Variants in ILDR1 observed in about 807,000 individuals in gnomAD.
ILDR1 encodes the protein immunoglobulin-like domain-containing receptor 1.
In ILDR1, 56 loss-of-function variants were observed where a neutral mutation model predicts 62.4. That is an observed-to-expected ratio of 0.90 (90% CI 0.72 to 1.12). ILDR1 has a LOEUF of 1.12. Among genes scored for constraint, ILDR1 ranks in the 50% most tolerant of loss-of-function variants. ILDR1 has a pLI of 0.00. For synonymous variants in ILDR1, 284 were observed against 277.8 expected, an observed-to-expected ratio of 1.02 and a Z score of -0.22; for missense variants, 736 against 710.6, an observed-to-expected ratio of 1.04 and a Z score of -0.41.
At chr3:122,010,980 A>T (rs1485228595) in intron 1 of ILDR1, among the ~76,000 whole-genome samples, 1 of 152,182 alleles carries the variant, frequency 6.6e-6, no homozygotes, top group East Asian at 1.9e-4. Context: ...AGGGGGTCAG[A>T]GTCGAGATTC....
upstream of ILDR1, among the ~76,000 whole-genome samples, chr3:122,025,648 A>G (rs142280996): frequency 1.6e-3 from 238 of 152,332 alleles, no homozygotes; most frequent in African/African-American, 5.5e-3. Context: ...TGTTTTCTGA[A>G]TACTATATAT....
At chr3:122,057,014 G>T in the ILDR1 span, among the ~76,000 whole-genome samples, 1 of 151,906 alleles carries the variant, frequency 6.6e-6, no homozygotes, top group South Asian at 2.1e-4. Flanking sequence ...CATAAGAGAT[G>T]AAATAAATAC....
intron 4 of ILDR1, 89 bp downstream of exon 4, chr3:122,001,656 G>C (rs1317443439): frequency 6.4e-7 from 1 of 1,551,632 alleles, no homozygotes; most frequent in Non-Finnish European, 8.8e-7. Flanking sequence ...ACTTAGGCTT[G>C]CTTATTTCTG....
chr3:121,990,279 C>T (rs2071323049), intron 7 of ILDR1, among the ~76,000 whole-genome samples: 1 of 152,236 alleles, frequency 6.6e-6, no homozygotes, highest in African/African-American at 2.4e-5. Context: ...ACAAACTAAA[C>T]ACAGTGCCTT....
intron 5 of ILDR1, among the ~76,000 whole-genome samples, chr3:121,999,368 A>T (rs1415731978): frequency 1.3e-5 from 2 of 152,236 alleles, no homozygotes; most frequent in African/African-American, 4.8e-5. Context: ...AAAAAAAATT[A>T]AAAACCTTCT....
intron 3 of ILDR1, among the ~76,000 whole-genome samples, chr3:122,004,033 A>T (rs985141077): frequency 2.0e-5 from 3 of 152,184 alleles, no homozygotes; most frequent in African/African-American, 7.2e-5. Context: ...ATGTAAAAAA[A>T]AAAAAAATCA....
intron 5 of ILDR1, among the ~76,000 whole-genome samples, chr3:121,996,239 T>C (rs2071433737): frequency 6.6e-6 from 1 of 152,206 alleles, no homozygotes; most frequent in African/African-American, 2.4e-5. Context: ...TCCTCTTTGC[T>C]CCTCAAATGA....
chr3:122,056,375 G>A, the ILDR1 span, among the ~76,000 whole-genome samples: 3 of 151,920 alleles, frequency 2.0e-5, no homozygotes, highest in South Asian at 2.1e-4. Flanking sequence ...TCGCTCTGTC[G>A]CCAAGCTGGA....
intron 5 of ILDR1, among the ~76,000 whole-genome samples, chr3:121,996,461 CT>C (rs1281882798): frequency 1.3e-5 from 2 of 152,180 alleles, no homozygotes; most frequent in Non-Finnish European, 1.5e-5. Context: ...AGCCTTTGAG[CT>C]TTTCTCTTGC....
the ILDR1 span, among the ~76,000 whole-genome samples, chr3:122,028,196 C>T: frequency 9.7e-3 from 1,464 of 151,446 alleles, 29 homozygotes; most frequent in African/African-American, 0.034. Flanking sequence ...ATTAGCTGGG[C>T]GTGGTGGCGG....
the ILDR1 span, among the ~76,000 whole-genome samples, chr3:122,054,501 A>T: frequency 2.0e-5 from 3 of 151,930 alleles, no homozygotes; most frequent in African/African-American, 7.3e-5. Context: ...AATTCTGCAG[A>T]TATTGTTCTG....
chr3:122,046,247 C>G, the ILDR1 span, among the ~76,000 whole-genome samples: 1 of 149,580 alleles, frequency 6.7e-6, no homozygotes, highest in African/African-American at 2.4e-5. Flanking sequence ...AATATCGGCC[C>G]CCACTCTCTT....
chr3:122,058,864 C>A, the ILDR1 span, among the ~76,000 whole-genome samples: 1 of 151,938 alleles, frequency 6.6e-6, no homozygotes. Context: ...GGCATGAAAC[C>A]AGGGCAGTTA....
the ILDR1 span, among the ~76,000 whole-genome samples, chr3:122,051,617 C>G: frequency 6.6e-6 from 1 of 152,086 alleles, no homozygotes; most frequent in East Asian, 1.9e-4. Flanking sequence ...TCTTTAGGAT[C>G]TGTTTCTGGA....
chr3:122,048,028 C>T, the ILDR1 span, among the ~76,000 whole-genome samples: 2 of 152,186 alleles, frequency 1.3e-5, no homozygotes, highest in Non-Finnish European at 2.9e-5. Context: ...TTACCTTGTT[C>T]CTCATCAAGG....
the ILDR1 span, among the ~76,000 whole-genome samples, chr3:122,042,693 C>T: frequency 6.6e-6 from 1 of 152,138 alleles, no homozygotes; most frequent in Non-Finnish European, 1.5e-5. Context: ...TTTCATGTTT[C>T]TTGGCTGCAT....
chr3:122,049,621 T>C, the ILDR1 span, among the ~76,000 whole-genome samples: 1 of 152,240 alleles, frequency 6.6e-6, no homozygotes, highest in South Asian at 2.1e-4. Flanking sequence ...TTTATCATTA[T>C]ATGATGTCTT....
intron 1 of ILDR1, among the ~76,000 whole-genome samples, chr3:122,018,849 C>T (rs1468649025): frequency 1.3e-5 from 2 of 152,196 alleles, no homozygotes; most frequent in African/African-American, 4.8e-5. Context: ...TACCCCCTCA[C>T]CCTGAGATAT....
the ILDR1 span, among the ~76,000 whole-genome samples, chr3:122,049,623 T>C: frequency 6.6e-6 from 1 of 152,244 alleles, no homozygotes; most frequent in African/African-American, 2.4e-5. Context: ...TATCATTATA[T>C]GATGTCTTTC....
Sources: gnomAD v4.1 joint callset for allele counts (sites outside exome capture counted in the v4.1 genomes callset) on GRCh38, gnomAD v4.1.1 for gene constraint, MANE v1.5 for transcripts, NCBI Gene and HGNC (gene_info 2026-07-23, HGNC 2026-07-21) for gene names.